The following EFCAB11 variants were observed in gnomAD, a reference collection of about 807,000 sequenced individuals.
The protein encoded by EFCAB11 is EF-hand calcium binding domain 11.
A neutral mutation model predicts 23.0 loss-of-function variants in EFCAB11; 14 were observed. That is an observed-to-expected ratio of 0.61 (90% CI 0.40 to 0.95). EFCAB11 has a LOEUF of 0.95. Ranked by LOEUF, EFCAB11 falls within the 40% of genes least tolerant of loss-of-function variation. EFCAB11 has a pLI of 0.00. For missense variants in EFCAB11, 198 were observed against 195.8 expected, an observed-to-expected ratio of 1.01 and a Z score of -0.07; for synonymous variants, 65 against 66.6, an observed-to-expected ratio of 0.98 and a Z score of 0.11.
intron 5 of EFCAB11, among the ~76,000 whole-genome samples, chr14:89,800,188 T>C (rs137875036): frequency 1.3e-5 from 2 of 149,894 alleles, no homozygotes; most frequent in Non-Finnish European, 3.0e-5. Context: ...CTCAATCTCG[T>C]AAACAAACAA....
At chr14:89,805,938 C>A (rs1194217570) in intron 5 of EFCAB11, among the ~76,000 whole-genome samples, 1 of 152,182 alleles carries the variant, frequency 6.6e-6, no homozygotes, top group African/African-American at 2.4e-5. Context: ...ATTTAGATTT[C>A]TCCTCGGATG....
At chr14:89,904,438 G>A (rs1263565303) in intron 5 of EFCAB11, among the ~76,000 whole-genome samples, 3 of 152,118 alleles carry the variant, frequency 2.0e-5, no homozygotes, top group African/African-American at 4.8e-5. Context: ...ATAAACATAC[G>A]TGTGCATGTG....
rs1277673222 is a variant in EFCAB11 at position 89,809,611 on chromosome 14, A to T, written c.411-12287T>A. Among the ~76,000 whole-genome samples the T allele has an allele frequency of 2.6e-5, 4 of 152,242 alleles. No homozygotes were observed. In the South Asian group the frequency reaches 6.2e-4, roughly 24 times the overall value. On this transcript the variant is annotated intron_variant, in intron 5 of 5. Coordinates refer to ENST00000316738, the MANE Select transcript of EFCAB11 (RefSeq NM_145231.4). Reference sequence around the variant, plus strand: ...TTCAGGATATTTATTAAACAAATTAAGTATTTACATTATGCTCAAGCACAG... The same window carrying T: ...TTCAGGATATTTATTAAACAAATTATGTATTTACATTATGCTCAAGCACAG...
chr14:89,879,119 C>A (rs1283886514), intron 5 of EFCAB11, among the ~76,000 whole-genome samples: 2 of 151,954 alleles, frequency 1.3e-5, no homozygotes, highest in Non-Finnish European at 2.9e-5. Flanking sequence ...CAATATTTAG[C>A]CCATTTTTTT....
chr14:89,821,904 T>C (rs1886531311), intron 5 of EFCAB11, among the ~76,000 whole-genome samples: 1 of 152,230 alleles, frequency 6.6e-6, no homozygotes, highest in African/African-American at 2.4e-5. Flanking sequence ...GGAGAATAAA[T>C]ATCACTTTAC....
intron 5 of EFCAB11, among the ~76,000 whole-genome samples, chr14:89,883,905 T>C (rs1888674307): frequency 1.3e-5 from 2 of 152,174 alleles, no homozygotes; most frequent in Admixed American, 1.3e-4. Flanking sequence ...GGTGGGAGAC[T>C]GCTTGAGGCC....
At chr14:89,827,628 C>CTTTT (rs36007256) in intron 5 of EFCAB11, among the ~76,000 whole-genome samples, 22 of 105,116 alleles carry the variant, frequency 2.1e-4, no homozygotes, top group Admixed American at 2.3e-4. Context: ...TTTATTCACT[C>CTTTT]TTTTTTTTTT....
chr14:89,844,171 C>A (rs1258091776), intron 5 of EFCAB11, among the ~76,000 whole-genome samples: 1 of 152,028 alleles, frequency 6.6e-6, no homozygotes, highest in Non-Finnish European at 1.5e-5. Context: ...TGTGCTTCTG[C>A]GTATAACAGA....
intron 5 of EFCAB11, among the ~76,000 whole-genome samples, chr14:89,823,691 T>C (rs952684734): frequency 6.6e-6 from 1 of 152,164 alleles, no homozygotes; most frequent in Non-Finnish European, 1.5e-5. Context: ...ATAAGTATGC[T>C]CTAGTATTTA....
intron 5 of EFCAB11, among the ~76,000 whole-genome samples, chr14:89,806,322 T>C (rs1885966742): frequency 1.3e-5 from 2 of 152,186 alleles, no homozygotes. Flanking sequence ...GACATGTGGA[T>C]AAATGCAATC....
chr14:89,943,348 C>T (rs911742891), intron 3 of EFCAB11, among the ~76,000 whole-genome samples: 3 of 151,286 alleles, frequency 2.0e-5, no homozygotes, highest in African/African-American at 7.3e-5. Flanking sequence ...TGGGCTCAAG[C>T]AATCCTCTAC....
At chr14:89,949,084 G>C (rs1179166092) in intron 3 of EFCAB11, among the ~76,000 whole-genome samples, 1 of 151,926 alleles carries the variant, frequency 6.6e-6, no homozygotes, top group African/African-American at 2.4e-5. Context: ...AGCACAATAG[G>C]GTGACTAGAG....
intron 5 of EFCAB11, chr14:89,931,322 T>C: frequency 1.9e-6 from 1 of 515,602 alleles, no homozygotes; most frequent in Non-Finnish European, 3.4e-6. Context: ...ACCTGCCTGG[T>C]GTGCAAGCGC....
intron 5 of EFCAB11, among the ~76,000 whole-genome samples, chr14:89,821,018 T>C (rs1057482102): frequency 6.6e-6 from 1 of 152,132 alleles, no homozygotes; most frequent in Non-Finnish European, 1.5e-5. Context: ...TGGGATCAAA[T>C]GCCTGGCTAA....
At chr14:89,936,839 A>C (rs1057113324) in intron 3 of EFCAB11, among the ~76,000 whole-genome samples, 5 of 152,204 alleles carry the variant, frequency 3.3e-5, no homozygotes, top group African/African-American at 4.8e-5. Flanking sequence ...CTAGAAATAG[A>C]GTTCCTACTA....
chr14:89,856,936 T>C (rs911779701), intron 5 of EFCAB11, among the ~76,000 whole-genome samples: 2 of 152,236 alleles, frequency 1.3e-5, no homozygotes, highest in Non-Finnish European at 2.9e-5. Context: ...ACTACAGTGA[T>C]TCATTCTGGG....
At position 89,929,030 on chromosome 14, in the gene EFCAB11, C is replaced by CATATATAT. The variant is rs34339124; in HGVS notation, c.410+2503_410+2510dup. ...GGAAAGATGGACATATAAATACATA[C>CATATATAT]ATATATATATATATACACACACACA... On this transcript the variant is annotated intron_variant, in intron 5 of 5. Transcript: ENST00000316738. 4.9e-4 allele frequency among the ~76,000 whole-genome samples: 59 copies of CATATATAT among 121,334 alleles called. 1 individual carries two copies. The highest frequency in any genetic ancestry group is 1.6e-3 in the African/African-American group (52 of 33,312). 79.6% of individuals were successfully genotyped at this position (121,334 alleles called of 152,430 possible). A position where few individuals can be genotyped will look rare whatever the true frequency, so the allele number is the denominator to read the frequency against.
intron 3 of EFCAB11, among the ~76,000 whole-genome samples, chr14:89,935,684 G>A (rs112771922): frequency 0.063 from 9,567 of 152,236 alleles, 969 homozygotes; most frequent in African/African-American, 0.22. Context: ...AGACCAGCAT[G>A]GCCAACATGG....
intron 5 of EFCAB11, among the ~76,000 whole-genome samples, chr14:89,808,472 T>C (rs1017779638): frequency 6.6e-6 from 1 of 152,200 alleles, no homozygotes; most frequent in Non-Finnish European, 1.5e-5. Flanking sequence ...GATTTGCTTT[T>C]AACAGCTTGT....
Sources: allele counts gnomAD v4.1 joint callset (sites outside exome capture counted in the v4.1 genomes callset), GRCh38; gene constraint gnomAD v4.1.1; transcripts MANE v1.5; gene names NCBI Gene and HGNC (gene_info 2026-07-23, HGNC 2026-07-21).